NEDD4L: variants seen among roughly 807,000 people sequenced by gnomAD.
NEDD4L encodes the protein E3 ubiquitin-protein ligase NEDD4-like.
Under a neutral mutation model 148.9 loss-of-function variants are expected in NEDD4L, and 54 were observed. The ratio of observed to expected loss-of-function variants is 0.36; its 90% CI spans 0.29 to 0.45. The LOEUF (loss-of-function observed/expected upper bound fraction) is 0.45, where lower values mean the gene tolerates loss of function less well. NEDD4L is among the 20% of genes least tolerant of loss of function. The pLI is 1.00. For missense variants in NEDD4L, 856 were observed against 1,233.8 expected, an observed-to-expected ratio of 0.69 and a Z score of 4.59; for synonymous variants, 433 against 440.7, an observed-to-expected ratio of 0.98 and a Z score of 0.22.
intron 4 of NEDD4L, among the ~76,000 whole-genome samples, chr18:58,249,640 T>A (rs2047665266): frequency 2.6e-5 from 4 of 152,366 alleles, no homozygotes. Context: ...GTATCTTAAT[T>A]GTATAGCTGT....
chr18:58,306,012 G>A (rs371568147), intron 5 of NEDD4L, among the ~76,000 whole-genome samples: 9 of 152,312 alleles, frequency 5.9e-5, no homozygotes, highest in Non-Finnish European at 1.2e-4. Flanking sequence ...GTGGACCATG[G>A]TGTATGATTC....
intron 1 of NEDD4L, among the ~76,000 whole-genome samples, chr18:58,128,399 C>T (rs1019052759): frequency 1.3e-5 from 2 of 152,136 alleles, no homozygotes; most frequent in Admixed American, 1.3e-4. Flanking sequence ...AAGAACCCTC[C>T]CCTTGAGGCA....
At chr18:58,206,344 G>A (rs545471771) in intron 2 of NEDD4L, among the ~76,000 whole-genome samples, 2 of 152,096 alleles carry the variant, frequency 1.3e-5, no homozygotes, top group African/African-American at 2.4e-5. Flanking sequence ...AGCTGAGATC[G>A]CACCACTGCA....
At chr18:58,128,776 A>G (rs1229198428) in intron 1 of NEDD4L, among the ~76,000 whole-genome samples, 2 of 152,194 alleles carry the variant, frequency 1.3e-5, no homozygotes, top group East Asian at 3.9e-4. Context: ...AAATGCCTGA[A>G]GTGTAAGATG....
chr18:58,139,337 G>A (rs1448845310), intron 1 of NEDD4L, among the ~76,000 whole-genome samples: 2 of 127,802 alleles, frequency 1.6e-5, no homozygotes, highest in Non-Finnish European at 3.1e-5. Flanking sequence ...ATACATTTCT[G>A]TCAGTACCCT....
At chr18:58,088,233 C>T (rs907805069) in intron 1 of NEDD4L, among the ~76,000 whole-genome samples, 1 of 152,218 alleles carries the variant, frequency 6.6e-6, no homozygotes, top group Admixed American at 6.5e-5. Context: ...AAGTAACACT[C>T]TGTCATTTCT....
intron 1 of NEDD4L, among the ~76,000 whole-genome samples, chr18:58,158,041 G>A (rs898625515): frequency 2.6e-5 from 4 of 152,234 alleles, no homozygotes; most frequent in African/African-American, 9.6e-5. Flanking sequence ...TTTCCACAGT[G>A]ACTGGTATGT....
At chr18:58,123,991 A>G (rs903725556) in intron 1 of NEDD4L, among the ~76,000 whole-genome samples, 2 of 152,106 alleles carry the variant, frequency 1.3e-5, no homozygotes, top group African/African-American at 4.8e-5. Context: ...AGGCCTTATG[A>G]CGTTTCTCTT....
chr18:58,322,040 T>C (rs770654186), intron 6 of NEDD4L, among the ~76,000 whole-genome samples: 2 of 152,236 alleles, frequency 1.3e-5, no homozygotes, highest in Non-Finnish European at 2.9e-5. Flanking sequence ...TTAAATCTTG[T>C]ATATTCTTCT....
chr18:58,280,976 T>G (rs2052972117), intron 5 of NEDD4L, among the ~76,000 whole-genome samples: 1 of 152,182 alleles, frequency 6.6e-6, no homozygotes, highest in African/African-American at 2.4e-5. Context: ...TCTTCTTTTC[T>G]TTTCTTTTTT....
chr18:58,118,060 A>C (rs2085971734), intron 1 of NEDD4L, among the ~76,000 whole-genome samples: 1 of 152,220 alleles, frequency 6.6e-6, no homozygotes, highest in Non-Finnish European at 1.5e-5. Context: ...TTGTCCCCTC[A>C]AGATGACTTA....
chr18:58,316,685 A>C (rs2058306573), intron 6 of NEDD4L, among the ~76,000 whole-genome samples: 2 of 152,220 alleles, frequency 1.3e-5, no homozygotes, highest in South Asian at 2.1e-4. Flanking sequence ...CTGACACCCG[A>C]AACAGGAGGC....
intron 9 of NEDD4L, among the ~76,000 whole-genome samples, chr18:58,326,687 A>G (rs2059339660): frequency 6.6e-6 from 1 of 152,222 alleles, no homozygotes. Flanking sequence ...TCTGCAGAAA[A>G]GTGGCCAGGA....
At chr18:58,290,098 A>G (rs914129103) in intron 5 of NEDD4L, among the ~76,000 whole-genome samples, 2 of 152,266 alleles carry the variant, frequency 1.3e-5, no homozygotes, top group Non-Finnish European at 2.9e-5. Flanking sequence ...AATTAATATC[A>G]TCATAAACTC....
chr18:58,058,718 A>G (rs1475236020), intron 1 of NEDD4L, among the ~76,000 whole-genome samples: 1 of 152,174 alleles, frequency 6.6e-6, no homozygotes, highest in East Asian at 1.9e-4. Context: ...TTTATTATTT[A>G]AGAGTGAGCT....
rs192203983 is a variant in NEDD4L at position 58,250,447 on chromosome 18, A to T, written c.243+1510A>T. 3.9e-5 allele frequency among the ~76,000 whole-genome samples: 6 copies of T among 152,174 alleles called. No homozygotes were observed. The East Asian group carries it at 1.2e-3, about 29-fold the overall frequency. On this transcript the variant is annotated intron_variant, in intron 4 of 30. Transcript: ENST00000400345. Reference sequence around the variant, plus strand: ...ACAGGTTCTTAAGGTCTTTATATTTATTCATTTTACAAATCTTTATTGAGT... The same window carrying T: ...ACAGGTTCTTAAGGTCTTTATATTTTTTCATTTTACAAATCTTTATTGAGT...
At chr18:58,342,864 C>A (rs372604391) in intron 15 of NEDD4L, 42 bp from the exon 16 acceptor site, 2 of 1,452,592 alleles carry the variant, frequency 1.4e-6, no homozygotes, top group South Asian at 3.1e-5. Flanking sequence ...ACATTGGAAT[C>A]GCACATGCTA....
At chr18:58,127,702 G>C (rs1039313004) in intron 1 of NEDD4L, among the ~76,000 whole-genome samples, 1 of 151,954 alleles carries the variant, frequency 6.6e-6, no homozygotes, top group African/African-American at 2.4e-5. Context: ...TTAGCTGGGC[G>C]TGGTGGCAGG....
chr18:58,219,895 C>T (rs1216425827), intron 2 of NEDD4L, among the ~76,000 whole-genome samples: 2 of 152,128 alleles, frequency 1.3e-5, no homozygotes, highest in Non-Finnish European at 2.9e-5. Context: ...TAAATAAAAA[C>T]TTGTTCAACT....
Sources: gnomAD v4.1 joint callset for allele counts (sites outside exome capture counted in the v4.1 genomes callset) on GRCh38, gnomAD v4.1.1 for gene constraint, MANE v1.5 for transcripts, NCBI Gene and HGNC (gene_info 2026-07-23, HGNC 2026-07-21) for gene names.